The following DLGAP1 variants were observed in gnomAD, a reference collection of about 807,000 sequenced individuals.
The protein encoded by DLGAP1 is disks large-associated protein 1.
A neutral mutation model predicts 90.8 loss-of-function variants in DLGAP1; 11 were observed. The ratio of observed to expected loss-of-function variants is 0.12; its 90% confidence interval spans 0.08 to 0.20. The LOEUF (loss-of-function observed/expected upper bound fraction) is 0.20, where lower values mean the gene tolerates loss of function less well. Ranked by LOEUF, DLGAP1 falls within the 10% of genes least tolerant of loss-of-function variation. DLGAP1 has a pLI of 1.00. For synonymous variants in DLGAP1, 558 were observed against 540.7 expected (o/e 1.03, Z -0.44); for missense variants, 1,050 against 1,333.8 (o/e 0.79, Z 3.31).
At chr18:4,354,408 G>T (rs1055169629) in intron 1 of DLGAP1, among the ~76,000 whole-genome samples, 3 of 152,148 alleles carry the variant, frequency 2.0e-5, no homozygotes, top group African/African-American at 4.8e-5. Flanking sequence ...GGGACCAGAA[G>T]AATCTGGACA....
intron 1 of DLGAP1, among the ~76,000 whole-genome samples, chr18:4,371,075 C>T (rs998252300): frequency 6.6e-6 from 1 of 152,112 alleles, no homozygotes. Context: ...GGTAGCATGA[C>T]CAGTAGAGAA....
chr18:4,025,389 G>A (rs971752027), intron 2 of DLGAP1, among the ~76,000 whole-genome samples: 21 of 151,986 alleles, frequency 1.4e-4, no homozygotes, highest in African/African-American at 4.8e-4. Context: ...GATTTGGGAT[G>A]CTGATCTGGT....
intron 4 of DLGAP1, among the ~76,000 whole-genome samples, chr18:3,859,949 A>C (rs1488388979): frequency 2.0e-5 from 3 of 151,976 alleles, no homozygotes; most frequent in Non-Finnish European, 2.9e-5. Context: ...AATGCAAAAA[A>C]TTAGCCAGGC....
chr18:3,559,862 C>T (rs1261050769), intron 9 of DLGAP1, among the ~76,000 whole-genome samples: 1 of 151,858 alleles, frequency 6.6e-6, no homozygotes, highest in Non-Finnish European at 1.5e-5. Context: ...ACCTCGTGAT[C>T]CACCTGCCTC....
At position 3,975,367 on chromosome 18, in the gene DLGAP1, T is replaced by C. The variant is rs117140321; in HGVS notation, c.-73+29749A>G. Among the ~76,000 whole-genome samples, 432 of 152,238 alleles carry C rather than the reference T, an allele frequency of 2.8e-3. 1 individual carries two copies. The highest frequency in any genetic ancestry group is 4.7e-3 in the Non-Finnish European group (317 of 68,012). On this transcript the variant is annotated intron_variant, in intron 3 of 12. Coordinates refer to ENST00000315677, the MANE Select transcript of DLGAP1 (RefSeq NM_004746.4). The stretch of plus-strand genomic sequence containing the variant: ...ATGAAAAGATGTTCAACATCACTAA[T>C]CATTAGGGCAACGCAAATCAAAACC...
intron 1 of DLGAP1, among the ~76,000 whole-genome samples, chr18:4,200,455 C>A (rs1429548673): frequency 6.6e-6 from 1 of 151,520 alleles, no homozygotes; most frequent in Non-Finnish European, 1.5e-5. Context: ...TGTCAAGTTA[C>A]CAACATCTTA....
At chr18:4,144,999 A>G (rs1312594125) in intron 2 of DLGAP1, among the ~76,000 whole-genome samples, 1 of 152,236 alleles carries the variant, frequency 6.6e-6, no homozygotes, top group African/African-American at 2.4e-5. Context: ...TCTAAAAATA[A>G]CATTTACGTT....
At chr18:3,828,303 T>C (rs536105024) in intron 4 of DLGAP1, among the ~76,000 whole-genome samples, 102 of 152,254 alleles carry the variant, frequency 6.7e-4, no homozygotes, top group African/African-American at 2.5e-3. Context: ...TTCTTGTACA[T>C]CAGCCTCTGG....
intron 1 of DLGAP1, among the ~76,000 whole-genome samples, chr18:4,284,928 A>G (rs1414630634): frequency 1.3e-5 from 2 of 152,262 alleles, no homozygotes; most frequent in African/African-American, 4.8e-5. Flanking sequence ...TCACTTTTCA[A>G]AAGAAATATT....
At chr18:3,802,897 C>T (rs962769248) in intron 5 of DLGAP1, among the ~76,000 whole-genome samples, 1 of 152,136 alleles carries the variant, frequency 6.6e-6, no homozygotes, top group African/African-American at 2.4e-5. Context: ...GCCTCCATAT[C>T]CTCATTTGCA....
intron 7 of DLGAP1, among the ~76,000 whole-genome samples, chr18:3,692,409 T>C (rs1006177854): frequency 2.6e-5 from 4 of 152,232 alleles, no homozygotes; most frequent in African/African-American, 9.6e-5. Flanking sequence ...AATGTAATTT[T>C]ATCATTTTAA....
chr18:4,337,391 C>G lies in DLGAP1; in HGVS notation c.-267+117615G>C, dbSNP rs373083851. On this transcript the variant is annotated intron_variant, in intron 1 of 12. Transcript: ENST00000315677. ...CCTACTTTTTGTAGCGACGGGGTCG[C>G]CATGCTGCTTAGGCTGGTCTGGAAC... Among the ~76,000 whole-genome samples, 10 of 151,928 alleles carry G rather than the reference C, an allele frequency of 6.6e-5. No individual in the cohort carries two copies. In the South Asian group the frequency reaches 2.1e-3, roughly 32 times the overall value.
intron 1 of DLGAP1, among the ~76,000 whole-genome samples, chr18:4,388,949 GCAGTTCCT>G (rs2082288941): frequency 6.6e-6 from 1 of 152,114 alleles, no homozygotes; most frequent in African/African-American, 2.4e-5. Flanking sequence ...AAAAAGTTTG[GCAGTTCCT>G]CAAAATATTA....
rs199859603 is a variant in DLGAP1 at position 3,721,628 on chromosome 18, T to C, written c.1591+7507A>G. On this transcript the variant is annotated intron_variant, in intron 7 of 12. Transcript: ENST00000315677. ...AAAGAGAATTTTTTAGAAACTGATA[T>C]AGAAAATACAGATTTCAAATATGGC... is the stretch of plus-strand genomic sequence containing the variant. The C allele has an allele frequency of 4.6e-5, 7 of 152,306 alleles. No individual in the cohort carries two copies. In the East Asian group the frequency reaches 7.7e-4, roughly 17 times the overall value. The allele number at this position is 152,306 out of a possible 1,614,324, so 9.4% of individuals were successfully genotyped here. A position where few individuals can be genotyped will look rare whatever the true frequency, so the allele number is the denominator to read the frequency against.
chr18:3,568,305 GATAAACT>G (rs200316025), intron 8 of DLGAP1, among the ~76,000 whole-genome samples: 1,814 of 152,238 alleles, frequency 0.012, 28 homozygotes, highest in African/African-American at 0.042. Context: ...ACCTTATTAA[GATAAACT>G]ATAGAGTGTC....
intron 1 of DLGAP1, among the ~76,000 whole-genome samples, chr18:4,326,799 A>G (rs2080827869): frequency 6.6e-6 from 1 of 152,146 alleles, no homozygotes; most frequent in African/African-American, 2.4e-5. Flanking sequence ...GAGCTAAACA[A>G]TGAGAACACA....
chr18:3,614,656 C>A (rs2057770653), intron 7 of DLGAP1, among the ~76,000 whole-genome samples: 1 of 127,310 alleles, frequency 7.9e-6, no homozygotes, highest in African/African-American at 3.1e-5. Flanking sequence ...GCCTGACCAA[C>A]ATGGAGAAAC....
At chr18:4,098,913 A>G (rs926666428) in intron 2 of DLGAP1, among the ~76,000 whole-genome samples, 15 of 152,226 alleles carry the variant, frequency 9.9e-5, no homozygotes, top group African/African-American at 3.4e-4. Context: ...AAGTCTGAAC[A>G]TGAACCTAAG....
chr18:3,652,532 C>T (rs1644155047), intron 7 of DLGAP1, among the ~76,000 whole-genome samples: 1 of 152,072 alleles, frequency 6.6e-6, no homozygotes. Flanking sequence ...GAGGGGGACT[C>T]GCTCTGTGGC....
Sources: allele counts gnomAD v4.1 joint callset (sites outside exome capture counted in the v4.1 genomes callset), GRCh38; gene constraint gnomAD v4.1.1; transcripts MANE v1.5; gene names NCBI Gene and HGNC (gene_info 2026-07-23, HGNC 2026-07-21).